The following ATM variants were observed in gnomAD, a reference collection of about 807,000 sequenced individuals.
ATM encodes serine-protein kinase ATM.
ATM carries 308 observed loss-of-function variants against 387.0 expected under a neutral mutation model. The ratio of observed to expected loss-of-function variants is 0.80; its 90% CI spans 0.73 to 0.87. The LOEUF (loss-of-function observed/expected upper bound fraction) is 0.87. ATM is among the 40% of genes least tolerant of loss of function. The probability of loss-of-function intolerance (pLI) is 0.00; values close to 1 mark genes in which losing one functional copy is unlikely to be tolerated. For missense variants in ATM, 3,312 were observed against 3,560.9 expected (o/e 0.93, Z 1.78); for synonymous variants, 1,156 against 1,187.3 (o/e 0.97, Z 0.54).
chr11:108,341,441 C>T (rs994272113), intron 56 of ATM, among the ~76,000 whole-genome samples: 1 of 152,070 alleles, frequency 6.6e-6, no homozygotes, highest in Non-Finnish European at 1.5e-5. Flanking sequence ...CAGAATGAAA[C>T]TTTATGAGGG....
At chr11:108,324,306 G>A (rs774348670) in intron 45 of ATM, among the ~76,000 whole-genome samples, 8 of 151,980 alleles carry the variant, frequency 5.3e-5, no homozygotes, top group Non-Finnish European at 1.0e-4. Flanking sequence ...AAGGTGTCTT[G>A]GAACCAATTT....
At position 108,366,029 on chromosome 11, in the gene ATM, C is replaced by CAAAAAAAAAAAA. The variant is rs369583811; in HGVS notation, c.*529_*540dup. 1 of 99,898 alleles carries CAAAAAAAAAAAA rather than the reference C, an allele frequency of 1.0e-5. No homozygotes were observed. The highest frequency in any genetic ancestry group is 2.0e-5 in the Non-Finnish European group (1 of 50,520). The allele number at this position is 99,898 out of a possible 1,614,324, so 6.2% of individuals were successfully genotyped here. A position where few individuals can be genotyped will look rare whatever the true frequency, so the allele number is the denominator to read the frequency against. ...GGGTGACAAGAGCGAAACTCCATCT[C>CAAAAAAAAAAAA]AAAAAAAAAAAAAAAAAAACAGAAA... On this transcript the variant is annotated 3_prime_UTR_variant, in exon 63 of 63. Coordinates refer to ENST00000675843, the MANE Select transcript of ATM (RefSeq NM_000051.4).
chr11:108,240,294 A>T (rs763598556), intron 5 of ATM, among the ~76,000 whole-genome samples: 3 of 152,180 alleles, frequency 2.0e-5, no homozygotes, highest in Non-Finnish European at 4.4e-5. Flanking sequence ...CTGTCAGAAA[A>T]ATCCTCTGTG....
intron 40 of ATM, among the ~76,000 whole-genome samples, chr11:108,313,610 C>G (rs965555253): frequency 2.6e-5 from 4 of 152,166 alleles, no homozygotes; most frequent in African/African-American, 9.7e-5. Flanking sequence ...TCTCCTTTCA[C>G]TTTTGCCTTC....
chr11:108,299,830 C>T lies in ATM; in HGVS notation c.5122C>T (p.Leu1708Phe), dbSNP rs1555104730. 6.2e-7 allele frequency: 1 copy of T among 1,613,918 alleles called. No homozygotes were observed. Among genetic ancestry groups the T allele is most frequent in the Non-Finnish European group, 8.5e-7 (1 of 1,179,922 alleles). Residue 1708 changes from leucine (L) to phenylalanine (F), a missense_variant, in exon 34 of 63, where the codon CTT becomes TTT. Transcript: ENST00000675843. The stretch of plus-strand genomic sequence containing the variant: ...CCTTAAGTTATTTGAAGATAAAGAA[C>T]TTCAGTGGACCTTCATAATGCTGAC... The part of the protein sequence containing the change: ...KALKLFEDKE[L>F]QWTFIMLTYL...
At chr11:108,253,040 G>C (rs1235242121) in intron 12 of ATM, 128 bp downstream of exon 12, 1 of 750,580 alleles carries the variant, frequency 1.3e-6, no homozygotes, top group Admixed American at 2.3e-5. Context: ...AATTGCAACT[G>C]TTAGCCAGGG....
intron 5 of ATM, among the ~76,000 whole-genome samples, chr11:108,240,629 T>C (rs1323299406): frequency 6.6e-6 from 1 of 152,110 alleles, no homozygotes; most frequent in Non-Finnish European, 1.5e-5. Context: ...TCTCTAAACA[T>C]ATATAAACAT....
intron 61 of ATM, chr11:108,355,275 GTCAGCA>G: frequency 4.3e-6 from 1 of 232,248 alleles, no homozygotes; most frequent in Non-Finnish European, 8.6e-6. Context: ...AGATCAAATT[GTCAGCA>G]TCATTACTAG....
chr11:108,349,787 C>T (rs2088960347), intron 59 of ATM, among the ~76,000 whole-genome samples: 2 of 152,060 alleles, frequency 1.3e-5, no homozygotes, highest in African/African-American at 4.8e-5. Flanking sequence ...GAGGTTTAAA[C>T]CTGTTAGATA....
At chr11:108,316,698 A>C (rs1335872157) in intron 42 of ATM, among the ~76,000 whole-genome samples, 2 of 147,438 alleles carry the variant, frequency 1.4e-5, no homozygotes, top group African/African-American at 2.5e-5. Context: ...TCACGAGGTC[A>C]GGAGGTCCAG....
Position 108,367,740 on chromosome 11 carries a change from C to T in ATM, c.*2232C>T, listed in dbSNP as rs941813666. ...CTTCCCCTCCCCTAAAACCAATCTC[C>T]AGAACTTTTTGGACTATAAATTTCT... On this transcript the variant is annotated 3_prime_UTR_variant, in exon 63 of 63. Transcript: ENST00000675843. The T allele has an allele frequency of 9.2e-6, 2 of 217,144 alleles. No homozygotes were observed. The highest frequency in any genetic ancestry group is 4.5e-5 in the African/African-American group (2 of 44,398). 13.5% of individuals were successfully genotyped at this position (217,144 alleles called of 1,614,324 possible). A position where few individuals can be genotyped will look rare whatever the true frequency, so the allele number is the denominator to read the frequency against.
At chr11:108,287,375 C>A in intron 26 of ATM, 1 of 353,434 alleles carries the variant, frequency 2.8e-6, no homozygotes, top group Non-Finnish European at 5.0e-6. Context: ...TTAAGGGGGC[C>A]TTGTTTGGCT....
chr11:108,244,191 G>A, intron 6 of ATM, 73 bp downstream of exon 6: 5 of 1,543,694 alleles, frequency 3.2e-6, no homozygotes, highest in East Asian at 2.3e-5. Context: ...TTTAGACTCA[G>A]TAACTAAAAA....
chr11:108,320,722 T>A (rs2085140779), intron 44 of ATM, among the ~76,000 whole-genome samples: 1 of 152,178 alleles, frequency 6.6e-6, no homozygotes, highest in Admixed American at 6.5e-5. Context: ...TTACAGTTGA[T>A]CCTTGAACCA....
At chr11:108,329,549 G>A (rs2086045466) in intron 49 of ATM, among the ~76,000 whole-genome samples, 1 of 151,978 alleles carries the variant, frequency 6.6e-6, no homozygotes, top group Non-Finnish European at 1.5e-5. Context: ...AAATAGCTGG[G>A]GCTACAGGTG....
chr11:108,256,089 C>CT, intron 13 of ATM, 126 bp from the exon 14 acceptor site: 1 of 823,526 alleles, frequency 1.2e-6, no homozygotes, highest in East Asian at 3.6e-5. Context: ...CCAGGATATG[C>CT]CACCTTTAAC....
chr11:108,257,767 G>A (rs548377812), intron 15 of ATM, among the ~76,000 whole-genome samples, 161 bp downstream of exon 15: 2 of 152,254 alleles, frequency 1.3e-5, no homozygotes, highest in East Asian at 3.9e-4. Context: ...CTACAGGCAT[G>A]TACCACCTAG....
intron 22 of ATM, 38 bp downstream of exon 22, chr11:108,272,890 G>A (rs2135574130): frequency 6.2e-7 from 1 of 1,612,834 alleles, no homozygotes; most frequent in Non-Finnish European, 8.5e-7. Context: ...TTGGAATGCT[G>A]CAGATGGCAG....
At chr11:108,250,164 A>T (rs576155486) in intron 9 of ATM, among the ~76,000 whole-genome samples, 2 of 126,804 alleles carry the variant, frequency 1.6e-5, no homozygotes, top group South Asian at 2.5e-4. Context: ...ATATATATAT[A>T]TTTTCTGAGA....
Sources: gnomAD v4.1 joint callset for allele counts (sites outside exome capture counted in the v4.1 genomes callset) on GRCh38, gnomAD v4.1.1 for gene constraint, MANE v1.5 for transcripts, NCBI Gene and HGNC (gene_info 2026-07-23, HGNC 2026-07-21) for gene names.